The following RAPGEF6 variants were observed in gnomAD, a reference collection of about 807,000 sequenced individuals.
RAPGEF6 encodes the protein Rap guanine nucleotide exchange factor 6, also known as PDZ domain containing guanine nucleotide exchange factor (GEF) 2.
Under a neutral mutation model 171.4 loss-of-function variants are expected in RAPGEF6, and 56 were observed. The observed-to-expected ratio is 0.33, with a 90% CI of 0.26 to 0.41. The LOEUF (loss-of-function observed/expected upper bound fraction) is 0.41, where lower values mean the gene tolerates loss of function less well. Ranked by LOEUF, RAPGEF6 falls within the 10% of genes least tolerant of loss-of-function variation. The pLI, the probability that RAPGEF6 is intolerant of heterozygous loss-of-function variation, is 1.00. For missense variants in RAPGEF6, 1,674 were observed against 1,921.4 expected, an observed-to-expected ratio of 0.87 and a Z score of 2.41; for synonymous variants, 692 against 650.1, an observed-to-expected ratio of 1.06 and a Z score of -0.98.
intron 15 of RAPGEF6, among the ~76,000 whole-genome samples, chr5:131,483,765 A>G (rs967974701): frequency 6.6e-6 from 1 of 152,130 alleles, no homozygotes; most frequent in Admixed American, 6.5e-5. Context: ...AAACAAGTCA[A>G]TAAAAGATGA....
rs1193664570 is a variant in RAPGEF6, at chr5:131,484,040, G to A, written c.1841-4287C>T. Reference sequence around the variant, plus strand: ...GAACCCAGGAGGCGGAGCTTGCAGCGAGTGGAGATCGTGCTACTGCACTCC... The same window carrying A: ...GAACCCAGGAGGCGGAGCTTGCAGCAAGTGGAGATCGTGCTACTGCACTCC... On this transcript the variant is annotated intron_variant, in intron 15 of 27. Transcript: ENST00000509018. Among the ~76,000 whole-genome samples the A allele has an allele frequency of 1.1e-4, 16 of 146,128 alleles. 1 individual carries two copies. Among genetic ancestry groups the A allele is most frequent in the Admixed American group, 6.2e-4 (9 of 14,596 alleles).
intron 6 of RAPGEF6, among the ~76,000 whole-genome samples, chr5:131,536,114 A>G (rs765954035): frequency 1.2e-4 from 18 of 152,186 alleles, no homozygotes; most frequent in Non-Finnish European, 1.3e-4. Context: ...CTGTAGTTTT[A>G]CAAAATAAAG....
At chr5:131,477,950 C>T (rs1441895196) in intron 16 of RAPGEF6, among the ~76,000 whole-genome samples, 1 of 152,146 alleles carries the variant, frequency 6.6e-6, no homozygotes, top group East Asian at 1.9e-4. Flanking sequence ...CTGACCTCTT[C>T]AGTGTGGGCT....
Position 131,455,852 on chromosome 5 carries a change from T to C in RAPGEF6, c.3025A>G (p.Ile1009Val), listed in dbSNP as rs770289930. 5.6e-6 allele frequency: 9 copies of C among 1,613,874 alleles called. No individual in the cohort carries two copies. Among genetic ancestry groups the C allele is most frequent in the Non-Finnish European group, 7.6e-6 (9 of 1,179,814 alleles). ...TTGACAACAGGGAAGAGTGGAATAA[T>C]TGGAGGCTGCATACTTTGACTACTA... is the stretch of plus-strand genomic sequence containing the variant. Reference protein sequence around the residue: ...ILSSQSMQPPIIPLFPVVKKD... With the variant: ...ILSSQSMQPPVIPLFPVVKKD... The change falls in exon 20 of 28, where the codon ATT becomes GTT. Residue 1009 changes from isoleucine to valine, a missense_variant. Ile to Val is a conservative substitution (Grantham distance 29, BLOSUM62 3). Coordinates refer to ENST00000509018, the MANE Select transcript of RAPGEF6 (RefSeq NM_016340.6).
chr5:131,581,429 G>T lies in RAPGEF6; in HGVS notation c.281+10954C>A, dbSNP rs781540944. The stretch of plus-strand genomic sequence containing the variant: ...TTCTTACTCAGGCCTTGGGTCTTCC[G>T]ATTAATCTCTCAATTCCTACGAAAC... On this transcript the variant is annotated intron_variant, in intron 4 of 27. Coordinates refer to ENST00000509018, the MANE Select transcript of RAPGEF6 (RefSeq NM_016340.6). 4.6e-5 allele frequency among the ~76,000 whole-genome samples: 7 copies of T among 151,976 alleles called. No homozygotes were observed. In the South Asian group the frequency reaches 8.3e-4, roughly 18 times the overall value.
At chr5:131,577,475 A>G (rs1762673100) in intron 4 of RAPGEF6, among the ~76,000 whole-genome samples, 1 of 152,194 alleles carries the variant, frequency 6.6e-6, no homozygotes, top group Admixed American at 6.5e-5. Context: ...ATCTCGTGCC[A>G]GACACCAGCC....
intron 1 of RAPGEF6, among the ~76,000 whole-genome samples, chr5:131,625,827 A>AC (rs1765892379): frequency 1.3e-5 from 2 of 151,464 alleles, no homozygotes; most frequent in South Asian, 4.2e-4. Flanking sequence ...AAAAAAAAAA[A>AC]CCATACTTCT....
chr5:131,574,443 G>A (rs966282863), intron 4 of RAPGEF6, among the ~76,000 whole-genome samples: 2 of 151,934 alleles, frequency 1.3e-5, no homozygotes, highest in South Asian at 2.1e-4. Flanking sequence ...ATCAATACGG[G>A]GGCTACCCAC....
At chr5:131,588,611 T>G (rs1012222032) in intron 4 of RAPGEF6, among the ~76,000 whole-genome samples, 15 of 150,874 alleles carry the variant, frequency 9.9e-5, no homozygotes, top group Admixed American at 6.6e-5. Context: ...GGTGTGGTGG[T>G]GCACACCTAC....
intron 24 of RAPGEF6, among the ~76,000 whole-genome samples, chr5:131,437,276 CA>C (rs1450574573): frequency 6.6e-6 from 1 of 152,188 alleles, no homozygotes; most frequent in Non-Finnish European, 1.5e-5. Flanking sequence ...AATTTTCTCA[CA>C]AAGGGAGAAA....
intron 1 of RAPGEF6, among the ~76,000 whole-genome samples, chr5:131,619,330 CG>C (rs934043357): frequency 1.3e-5 from 2 of 151,162 alleles, no homozygotes; most frequent in Non-Finnish European, 1.5e-5. Flanking sequence ...GGCTGGAGGG[CG>C]GGGGGGCATA....
chr5:131,609,631 A>C (rs1208871786), intron 1 of RAPGEF6, among the ~76,000 whole-genome samples: 1 of 152,220 alleles, frequency 6.6e-6, no homozygotes, highest in East Asian at 1.9e-4. Flanking sequence ...AGCTACTGCT[A>C]CTTCTGAATG....
At position 131,572,519 on chromosome 5, in the gene RAPGEF6, C is replaced by T. The variant is rs568396446; in HGVS notation, c.282-10472G>A. Among the ~76,000 whole-genome samples the T allele has an allele frequency of 4.9e-4, 75 of 152,266 alleles. 1 individual carries two copies. Among genetic ancestry groups the T allele is most frequent in the African/African-American group, 1.7e-3 (71 of 41,550 alleles). On this transcript the variant is annotated intron_variant, in intron 4 of 27. Transcript: ENST00000509018. Reference sequence around the variant, plus strand: ...CCTTGGTGTCTGATCACCACAGGGACGCCTGCCTTGATCATTCACCCACAT... The same window carrying T: ...CCTTGGTGTCTGATCACCACAGGGATGCCTGCCTTGATCATTCACCCACAT...
At chr5:131,570,041 CA>C (rs34729268) in intron 4 of RAPGEF6, among the ~76,000 whole-genome samples, 282 of 27,470 alleles carry the variant, frequency 0.01, no homozygotes, top group African/African-American at 0.017. Context: ...GACTCTGTCT[CA>C]AAAAAAAAAA....
At chr5:131,512,789 A>G (rs1757823261) in intron 7 of RAPGEF6, among the ~76,000 whole-genome samples, 1 of 152,142 alleles carries the variant, frequency 6.6e-6, no homozygotes, top group Non-Finnish European at 1.5e-5. Context: ...GAATGGGATT[A>G]GTATATAAGA....
chr5:131,589,733 T>C (rs1023939099), intron 4 of RAPGEF6, among the ~76,000 whole-genome samples: 15 of 152,246 alleles, frequency 9.9e-5, no homozygotes, highest in African/African-American at 3.6e-4. Context: ...AGAGTAACAC[T>C]GCAGTAAGAA....
At chr5:131,515,218 CTT>C (rs1757995325) in intron 7 of RAPGEF6, among the ~76,000 whole-genome samples, 1 of 152,192 alleles carries the variant, frequency 6.6e-6, no homozygotes, top group African/African-American at 2.4e-5. Context: ...CAGTGCCTCT[CTT>C]TTCTGTATTC....
intron 15 of RAPGEF6, among the ~76,000 whole-genome samples, chr5:131,480,012 T>A (rs1755363143): frequency 6.6e-6 from 1 of 152,122 alleles, no homozygotes. Context: ...GGAAAGGAAG[T>A]GGGCAGGCTG....
At position 131,516,045 on chromosome 5, in the gene RAPGEF6, CCTTTTTTTTTTTTTTTTTTTTTTTTTTTT is replaced by C. The variant is rs1561527872; in HGVS notation, c.627+5316_627+5344del. On this transcript the variant is annotated intron_variant, in intron 7 of 27. Coordinates refer to ENST00000509018, the MANE Select transcript of RAPGEF6 (RefSeq NM_016340.6). ...ATTTTGACTAGGACTCAGATGATATCCTTTTTTTTTTTTTTTTTTTTTTTTTTTTTTTTTTTTTTTTTTTTTTTTTTTTT... is the reference window on the plus strand; with the variant it reads ...ATTTTGACTAGGACTCAGATGATATCTTTTTTTTTTTTTTTTTTTTTTTTT... Among the ~76,000 whole-genome samples the C allele has an allele frequency of 7.0e-4, 66 of 94,346 alleles. 13 individuals are homozygous for C. The highest frequency in any genetic ancestry group is 2.5e-3 in the African/African-American group (61 of 24,418). The allele number at this position is 94,346 out of a possible 152,430, so 61.9% of individuals were successfully genotyped here.
Sources: gnomAD v4.1 joint callset for allele counts (sites outside exome capture counted in the v4.1 genomes callset) on GRCh38, gnomAD v4.1.1 for gene constraint, MANE v1.5 for transcripts, NCBI Gene and HGNC (gene_info 2026-07-23, HGNC 2026-07-21) for gene names.